ANKRD31: variants seen among roughly 807,000 people sequenced by gnomAD.
ANKRD31 encodes the protein ankyrin repeat domain 31.
In ANKRD31, 147 loss-of-function variants were observed where a neutral mutation model predicts 186.0. The ratio of observed to expected loss-of-function variants is 0.79; its 90% CI spans 0.69 to 0.91. The LOEUF is 0.91. ANKRD31 is among the 40% of genes least tolerant of loss of function. ANKRD31 has a pLI of 0.00. For missense variants in ANKRD31, 1,986 were observed against 2,148.8 expected (o/e 0.92, Z 1.50); for synonymous variants, 673 against 736.4 (o/e 0.91, Z 1.39).
chr5:75,164,501 T>C (rs1322078352), intron 11 of ANKRD31, among the ~76,000 whole-genome samples: 1 of 152,098 alleles, frequency 6.6e-6, no homozygotes, highest in Non-Finnish European at 1.5e-5. Context: ...AGGTAGAGAG[T>C]ACATAAGCAG....
intron 17 of ANKRD31, among the ~76,000 whole-genome samples, chr5:75,131,765 G>A (rs1749857683): frequency 6.6e-6 from 1 of 151,616 alleles, no homozygotes; most frequent in African/African-American, 2.4e-5. Flanking sequence ...CTCCCATTAG[G>A]GGCCGACTGA....
intron 6 of ANKRD31, 141 bp from the exon 7 acceptor site, chr5:75,196,341 A>G: frequency 1.6e-6 from 1 of 634,114 alleles, no homozygotes. Flanking sequence ...TTCCATAAAT[A>G]AAGGGAATAC....
At position 75,199,662 on chromosome 5, in the gene ANKRD31, T is replaced by C; in HGVS notation, c.416A>G (p.Glu139Gly). Residue 139 changes from glutamate to glycine, a missense_variant, in exon 6 of 26, where the codon GAA becomes GGA. Physicochemically the swap from Glu to Gly is moderately conservative, Grantham distance 98 (BLOSUM62 -2). Coordinates refer to ENST00000506364, the MANE Select transcript of ANKRD31 (RefSeq NM_001372053.1). ...TATGTGTGGCAAAACTTCAGGACTTTCAGCCTCTGGCCCTAGAAAAAAACA... is the reference window on the plus strand; with the variant it reads ...TATGTGTGGCAAAACTTCAGGACTTCCAGCCTCTGGCCCTAGAAAAAAACA... ...NHQNIEGPEAESPEVLPHIEK... is the reference protein window; with the variant it reads ...NHQNIEGPEAGSPEVLPHIEK... 6.5e-7 allele frequency: 1 copy of C among 1,534,048 alleles called. No homozygotes were observed. The highest frequency in any genetic ancestry group is 1.7e-4 in the Middle Eastern group (1 of 5,966).
At chr5:75,107,729 T>G (rs1747448506) in intron 20 of ANKRD31, 112 bp from the exon 21 acceptor site, 1 of 605,850 alleles carries the variant, frequency 1.7e-6, no homozygotes, top group Non-Finnish European at 2.8e-6. Flanking sequence ...CCCTATGATC[T>G]TCCCCAATAT....
rs1279089537 is a variant in ANKRD31 at position 75,146,992 on chromosome 5, C to G, written c.2419G>C (p.Glu807Gln). The change falls in exon 14 of 26, where the codon GAG becomes CAG. Residue 807 changes from glutamate (E) to glutamine (Q), a missense_variant. Coordinates refer to ENST00000506364, the MANE Select transcript of ANKRD31 (RefSeq NM_001372053.1). The part of the protein sequence containing the change: ...SSTEACSVSK[E>Q]KHIQNLDLSD... ...AAATCCAGGTTCTGGATGTGTTTCT[C>G]TTTGGAAACTGAACAAGCCTCAGTA... 1 of 1,536,184 alleles carries G rather than the reference C, an allele frequency of 6.5e-7. No individual in the cohort carries two copies. Among genetic ancestry groups the G allele is most frequent in the Non-Finnish European group, 8.7e-7 (1 of 1,146,298 alleles).
chr5:75,117,316 A>G (rs1748377958), intron 18 of ANKRD31, among the ~76,000 whole-genome samples: 1 of 152,142 alleles, frequency 6.6e-6, no homozygotes. Flanking sequence ...GAAGAGGGAG[A>G]GTGAAATGGC....
At position 75,177,977 on chromosome 5, in the gene ANKRD31, T is replaced by C. The variant is rs141848076; in HGVS notation, c.1565-8856A>G. Among the ~76,000 whole-genome samples the C allele has an allele frequency of 3.9e-3, 588 of 152,192 alleles. 6 individuals carry two copies. Among genetic ancestry groups the C allele is most frequent in the African/African-American group, 0.014 (565 of 41,522 alleles). On this transcript the variant is annotated intron_variant, in intron 10 of 25. Transcript: ENST00000506364. ...AGTCAAGACCCATCCGTGTGCTGTA[T>C]TCAGGAAATCCATCTCACGTGCAGA...
chr5:75,119,500 T>C (rs1029990381), intron 17 of ANKRD31, among the ~76,000 whole-genome samples: 4 of 152,222 alleles, frequency 2.6e-5, no homozygotes, highest in Non-Finnish European at 5.9e-5. Flanking sequence ...AATTCACCAA[T>C]GATGGTCACC....
intron 24 of ANKRD31, among the ~76,000 whole-genome samples, 168 bp downstream of exon 24, chr5:75,084,104 C>T (rs1218186823): frequency 2.6e-5 from 4 of 152,122 alleles, no homozygotes; most frequent in Admixed American, 1.3e-4. Context: ...GGTTGCACGA[C>T]ATTGTGAATT....
At chr5:75,156,020 C>G (rs1317966382) in intron 11 of ANKRD31, among the ~76,000 whole-genome samples, 1 of 151,974 alleles carries the variant, frequency 6.6e-6, no homozygotes, top group Non-Finnish European at 1.5e-5. Context: ...AATTCTTGTG[C>G]CTCAGCCTCC....
Position 75,146,524 on chromosome 5 carries a change from G to A in ANKRD31, c.2887C>T (p.Leu963=), listed in dbSNP as rs1483918112. 6.5e-7 allele frequency: 1 copy of A among 1,536,370 alleles called. No individual in the cohort carries two copies. Among genetic ancestry groups the A allele is most frequent in the Non-Finnish European group, 8.7e-7 (1 of 1,146,444 alleles). ...GCTTCCTGTTCTGGAAGTGTGGTTA[G>A]GCTGACTGCTTTTAACTCATTTTCC... is the stretch of plus-strand genomic sequence containing the variant. ...SQENELKAVS[L]TTLPEQEAVN... The change falls in exon 14 of 26, where the codon CTA becomes TTA. Residue 963 remains leucine, a synonymous_variant. Transcript: ENST00000506364.
At chr5:75,232,746 G>GC (rs1432324282) in intron 1 of ANKRD31, among the ~76,000 whole-genome samples, 1 of 152,046 alleles carries the variant, frequency 6.6e-6, no homozygotes, top group Non-Finnish European at 1.5e-5. Flanking sequence ...GACAGAATAT[G>GC]CCACCCCAAA....
At chr5:75,215,838 G>T (rs188707588) in intron 3 of ANKRD31, among the ~76,000 whole-genome samples, 275 of 151,680 alleles carry the variant, frequency 1.8e-3, no homozygotes, top group African/African-American at 5.7e-3. Flanking sequence ...AAAAAACTCT[G>T]AGAAAGTACC....
chr5:75,106,251 A>T (rs1747323292), intron 21 of ANKRD31, among the ~76,000 whole-genome samples: 2 of 152,054 alleles, frequency 1.3e-5, no homozygotes, highest in Middle Eastern at 3.2e-3. Context: ...AATAGTTTTG[A>T]CTTCACAGAT....
Position 75,213,906 on chromosome 5 carries a change from A to T in ANKRD31, c.289-3041T>A, listed in dbSNP as rs75204787. ...CTGGCTTGCCGGATCAGCCCAACCAATCCTGGCTCTCCATGACACACTGAA... is the reference window on the plus strand; with the variant it reads ...CTGGCTTGCCGGATCAGCCCAACCATTCCTGGCTCTCCATGACACACTGAA... On this transcript the variant is annotated intron_variant, in intron 3 of 25. Transcript: ENST00000506364. 1.4e-4 allele frequency among the ~76,000 whole-genome samples: 22 copies of T among 152,248 alleles called. No individual in the cohort carries two copies. In the East Asian group the frequency reaches 4.2e-3, roughly 29 times the overall value.
chr5:75,221,135 A>C (rs938568398), intron 3 of ANKRD31, among the ~76,000 whole-genome samples: 4 of 152,114 alleles, frequency 2.6e-5, no homozygotes, highest in African/African-American at 9.7e-5. Flanking sequence ...GAACACATGG[A>C]CAGAAGGAGG....
chr5:75,213,919 A>C (rs1019261196), intron 3 of ANKRD31, among the ~76,000 whole-genome samples: 1 of 152,222 alleles, frequency 6.6e-6, no homozygotes, highest in African/African-American at 2.4e-5. Context: ...CTGGCTCTCC[A>C]TGACACACTG....
intron 18 of ANKRD31, among the ~76,000 whole-genome samples, 189 bp from the exon 19 acceptor site, chr5:75,116,870 G>C (rs535467576): frequency 6.6e-6 from 1 of 152,222 alleles, no homozygotes; most frequent in East Asian, 1.9e-4. Flanking sequence ...GTCATATGCT[G>C]GGTGCCAAAA....
chr5:75,229,864 CAA>C (rs1210080751), intron 2 of ANKRD31, among the ~76,000 whole-genome samples: 161 of 37,848 alleles, frequency 4.3e-3, no homozygotes, highest in African/African-American at 0.018. Flanking sequence ...GACTCTGTCT[CAA>C]AAAAAAAAAA....
Sources: allele counts gnomAD v4.1 joint callset (sites outside exome capture counted in the v4.1 genomes callset), GRCh38; gene constraint gnomAD v4.1.1; transcripts MANE v1.5; gene names NCBI Gene and HGNC (gene_info 2026-07-23, HGNC 2026-07-21).